Variants in MBOAT2 observed in about 807,000 individuals in gnomAD.
The protein encoded by MBOAT2 is membrane bound glycerophospholipid O-acyltransferase 2.
Under a neutral mutation model 63.4 loss-of-function variants are expected in MBOAT2, and 28 were observed. The ratio of observed to expected loss-of-function variants is 0.44; its 90% CI spans 0.33 to 0.61. MBOAT2 has a LOEUF of 0.61. Among genes scored for constraint, MBOAT2 ranks in the 20% least tolerant of loss-of-function variants. The pLI is 0.03. For missense variants in MBOAT2, 470 were observed against 605.8 expected (o/e 0.78, Z 2.35); for synonymous variants, 211 against 215.6 (o/e 0.98, Z 0.19).
chr2:8,876,206 A>T lies in MBOAT2; in HGVS notation c.690+824T>A, dbSNP rs572109175. 3.3e-5 allele frequency among the ~76,000 whole-genome samples: 5 copies of T among 152,322 alleles called. No individual in the cohort carries two copies. The Middle Eastern group carries it at 0.01, about 311-fold the overall frequency. ...GCATCCCAGCAATTTCAAGTGCCCC[A>T]GTGGCTTAAAGAAAATAAACATTAT... On this transcript the variant is annotated intron_variant, in intron 7 of 12. Coordinates refer to ENST00000305997, the MANE Select transcript of MBOAT2 (RefSeq NM_138799.4).
chr2:8,908,286 G>A (rs1166348806), intron 4 of MBOAT2: 1 of 180,548 alleles, frequency 5.5e-6, no homozygotes, highest in African/African-American at 2.3e-5. Context: ...GAATACTGGT[G>A]TTGAATGGAG....
At chr2:8,936,154 CTG>C (rs1667647028) in intron 3 of MBOAT2, among the ~76,000 whole-genome samples, 1 of 152,190 alleles carries the variant, frequency 6.6e-6, no homozygotes, top group African/African-American at 2.4e-5. Context: ...GGTAGTTTGA[CTG>C]TAAGCTTCAT....
intron 2 of MBOAT2, 61 bp from the exon 3 acceptor site, chr2:8,943,325 T>A: frequency 9.8e-7 from 1 of 1,019,588 alleles, no homozygotes; most frequent in Non-Finnish European, 1.4e-6. Context: ...CAAGCTGAAG[T>A]GAATTAAGCT....
chr2:8,928,153 C>T (rs973960283), intron 3 of MBOAT2, among the ~76,000 whole-genome samples: 4 of 152,054 alleles, frequency 2.6e-5, no homozygotes, highest in African/African-American at 7.2e-5. Context: ...AACCTGCCCC[C>T]GATCCAATCA....
chr2:8,895,162 G>A (rs957201569), intron 4 of MBOAT2, among the ~76,000 whole-genome samples: 1 of 152,244 alleles, frequency 6.6e-6, no homozygotes, highest in Middle Eastern at 3.2e-3. Flanking sequence ...GGGAGCCACT[G>A]CTGGCTCACC....
chr2:8,950,183 T>C (rs993348961), intron 2 of MBOAT2, among the ~76,000 whole-genome samples: 1 of 152,214 alleles, frequency 6.6e-6, no homozygotes, highest in Non-Finnish European at 1.5e-5. Flanking sequence ...CCTGAAATCT[T>C]GCTACAATCA....
intron 3 of MBOAT2, among the ~76,000 whole-genome samples, chr2:8,941,041 TA>T (rs1668015984): frequency 6.6e-6 from 1 of 151,974 alleles, no homozygotes; most frequent in Admixed American, 6.6e-5. Context: ...TAAACATTTT[TA>T]ATTATTATAA....
chr2:8,958,985 G>T (rs6707946), intron 1 of MBOAT2, among the ~76,000 whole-genome samples: 16,159 of 152,176 alleles, frequency 0.11, 1,026 homozygotes, highest in African/African-American at 0.18. Flanking sequence ...GAAGAGAAAC[G>T]TGTTTTAATG....
intron 3 of MBOAT2, among the ~76,000 whole-genome samples, chr2:8,926,041 G>A (rs1157531870): frequency 1.3e-5 from 2 of 152,328 alleles, no homozygotes; most frequent in East Asian, 3.9e-4. Flanking sequence ...CTACTGGGCA[G>A]GAGAGCAAGG....
intron 4 of MBOAT2, among the ~76,000 whole-genome samples, chr2:8,906,980 G>C (rs1665378350): frequency 6.6e-6 from 1 of 152,198 alleles, no homozygotes; most frequent in African/African-American, 2.4e-5. Flanking sequence ...GACACCTGCA[G>C]AACCTGCCTG....
chr2:8,890,761 C>G (rs1048384372), intron 4 of MBOAT2, among the ~76,000 whole-genome samples: 1 of 152,142 alleles, frequency 6.6e-6, no homozygotes, highest in African/African-American at 2.4e-5. Context: ...CTTAAGCGAT[C>G]CACCCACCTC....
At chr2:8,883,320 C>T (rs527756218) in intron 5 of MBOAT2, among the ~76,000 whole-genome samples, 3 of 152,120 alleles carry the variant, frequency 2.0e-5, no homozygotes, top group African/African-American at 4.8e-5. Context: ...AGCCAACTAA[C>T]GTGAAATGTT....
chr2:8,901,406 C>G (rs192275468), intron 4 of MBOAT2, among the ~76,000 whole-genome samples: 2 of 151,994 alleles, frequency 1.3e-5, no homozygotes, highest in Admixed American at 1.3e-4. Context: ...CAAGGAGGAC[C>G]GAGAAAAATT....
chr2:8,857,603 A>G lies in MBOAT2; in HGVS notation c.*1076T>C, dbSNP rs1479943191. 1 of 152,242 alleles carries G rather than the reference A, an allele frequency of 6.6e-6. No homozygotes were observed. The highest frequency in any genetic ancestry group is 2.4e-5 in the African/African-American group (1 of 41,454). 9.4% of individuals were successfully genotyped at this position (152,242 alleles called of 1,614,324 possible). On this transcript the variant is annotated 3_prime_UTR_variant, in exon 13 of 13. Coordinates refer to ENST00000305997, the MANE Select transcript of MBOAT2 (RefSeq NM_138799.4). ...TTTCATTTCCCTAAAAGTTTCCCAA[A>G]TATGAATTAAATTGTCAAGGATAAG...
chr2:8,984,779 G>C (rs575528184), intron 1 of MBOAT2, among the ~76,000 whole-genome samples: 2 of 152,094 alleles, frequency 1.3e-5, no homozygotes, highest in Admixed American at 6.5e-5. Flanking sequence ...AAGTGGTATT[G>C]GCCAAATTTT....
chr2:8,915,371 T>C (rs1376050484), intron 3 of MBOAT2, among the ~76,000 whole-genome samples: 2 of 152,196 alleles, frequency 1.3e-5, no homozygotes, highest in African/African-American at 2.4e-5. Context: ...CTACCTAGAA[T>C]ATGGATCTGA....
chr2:8,875,581 CA>C (rs1409124949), intron 7 of MBOAT2, among the ~76,000 whole-genome samples: 1 of 152,214 alleles, frequency 6.6e-6, no homozygotes, highest in African/African-American at 2.4e-5. Flanking sequence ...GACTCATACA[CA>C]TTAAGTGATG....
At chr2:8,925,960 G>GT (rs941294151) in intron 3 of MBOAT2, among the ~76,000 whole-genome samples, 4 of 152,186 alleles carry the variant, frequency 2.6e-5, no homozygotes, top group African/African-American at 9.6e-5. Flanking sequence ...ATCTTACGAA[G>GT]TAAGTGTTAT....
At chr2:8,893,813 T>C (rs1239277844) in intron 4 of MBOAT2, among the ~76,000 whole-genome samples, 2 of 152,172 alleles carry the variant, frequency 1.3e-5, no homozygotes, top group Non-Finnish European at 2.9e-5. Flanking sequence ...AGTTTGGACA[T>C]GCAGATATGG....
Sources: gnomAD v4.1 joint callset for allele counts (sites outside exome capture counted in the v4.1 genomes callset) on GRCh38, gnomAD v4.1.1 for gene constraint, MANE v1.5 for transcripts, NCBI Gene and HGNC (gene_info 2026-07-23, HGNC 2026-07-21) for gene names.